The following ZFPM2 variants were observed in gnomAD, a reference collection of about 807,000 sequenced individuals.
The protein encoded by ZFPM2 is zinc finger protein, FOG family member 2.
In ZFPM2, 20 loss-of-function variants were observed where a neutral mutation model predicts 98.6. That is an observed-to-expected ratio of 0.20 (90% CI 0.14 to 0.29). ZFPM2 has a LOEUF of 0.29. Among genes scored for constraint, ZFPM2 ranks in the 10% least tolerant of loss-of-function variants. The pLI is 1.00. For synonymous variants in ZFPM2, 518 were observed against 502.7 expected (o/e 1.03, Z -0.41); for missense variants, 1,310 against 1,388.6 (o/e 0.94, Z 0.90).
At chr8:105,797,631 AAGCCTCCC>A (rs1222542704) in intron 6 of ZFPM2, among the ~76,000 whole-genome samples, 1 of 152,088 alleles carries the variant, frequency 6.6e-6, no homozygotes, top group Non-Finnish European at 1.5e-5. Flanking sequence ...CAGTACAGAA[AAGCCTCCC>A]AGCCTCCCAG....
rs149479285 is a variant in ZFPM2, at chr8:105,508,861, AT to A, written c.302-52492del. 2.0e-3 allele frequency among the ~76,000 whole-genome samples: 274 copies of A among 136,318 alleles called. 3 individuals are homozygous for A. Among genetic ancestry groups the A allele is most frequent in the African/African-American group, 7.0e-3 (252 of 36,204 alleles). The allele number at this position is 136,318 out of a possible 152,430, so 89.4% of individuals were successfully genotyped here. The stretch of plus-strand genomic sequence containing the variant: ...TTTGGATTTTTTTTGAAAAAAAAAA[AT>A]TTTTTTTTTAATGTGGAAGAAATCT... On this transcript the variant is annotated intron_variant, in intron 3 of 7. Coordinates refer to ENST00000407775, the MANE Select transcript of ZFPM2 (RefSeq NM_012082.4).
intron 1 of ZFPM2, among the ~76,000 whole-genome samples, chr8:105,386,139 G>C (rs1203708336): frequency 6.6e-6 from 1 of 152,144 alleles, no homozygotes; most frequent in African/African-American, 2.4e-5. Context: ...TAGAGAATTA[G>C]AAAAAGTCTT....
At chr8:105,343,191 C>T (rs1217586962) in intron 1 of ZFPM2, among the ~76,000 whole-genome samples, 1 of 152,022 alleles carries the variant, frequency 6.6e-6, no homozygotes, top group African/African-American at 2.4e-5. Flanking sequence ...GGAAAATGAA[C>T]TTTATTTGCT....
At chr8:105,455,368 G>C (rs1338838791) in intron 3 of ZFPM2, among the ~76,000 whole-genome samples, 1 of 152,102 alleles carries the variant, frequency 6.6e-6, no homozygotes, top group African/African-American at 2.4e-5. Flanking sequence ...CGAATAACCT[G>C]GGCAGAATAT....
chr8:105,404,417 T>A (rs1179366624), intron 1 of ZFPM2, among the ~76,000 whole-genome samples: 1 of 152,132 alleles, frequency 6.6e-6, no homozygotes, highest in African/African-American at 2.4e-5. Context: ...CCACATTCTA[T>A]TTGACGTCTT....
At chr8:105,396,798 A>G (rs1393425232) in intron 1 of ZFPM2, among the ~76,000 whole-genome samples, 2 of 152,212 alleles carry the variant, frequency 1.3e-5, no homozygotes, top group African/African-American at 4.8e-5. Flanking sequence ...TAAAGCCAAT[A>G]AGAACTAATT....
At chr8:105,645,625 C>T (rs1230346953) in intron 5 of ZFPM2, among the ~76,000 whole-genome samples, 1 of 152,090 alleles carries the variant, frequency 6.6e-6, no homozygotes, top group Non-Finnish European at 1.5e-5. Flanking sequence ...TGTATGGTGA[C>T]CATTCTAACA....
intron 5 of ZFPM2, among the ~76,000 whole-genome samples, chr8:105,771,080 T>C (rs116315531): frequency 6.6e-6 from 1 of 152,290 alleles, no homozygotes; most frequent in African/African-American, 2.4e-5. Context: ...GTAACAGTCA[T>C]AATTTTGTCC....
chr8:105,734,723 A>G (rs1431796998), intron 5 of ZFPM2, among the ~76,000 whole-genome samples: 1 of 151,924 alleles, frequency 6.6e-6, no homozygotes, highest in East Asian at 1.9e-4. Flanking sequence ...AAGCATGTTG[A>G]GCCTCCTATT....
intron 4 of ZFPM2, among the ~76,000 whole-genome samples, chr8:105,604,446 C>T (rs1206325611): frequency 3.3e-5 from 5 of 152,030 alleles, no homozygotes; most frequent in Non-Finnish European, 7.4e-5. Flanking sequence ...ATGTAAATTA[C>T]AGCATGGTAT....
In ZFPM2 at chr8:105,465,016, T is replaced by C. The variant is rs568802645; in HGVS notation, c.301+20635T>C. ...AGAAAAGATATTCACTCAGCCTGTATCGTAGTTGTCAGTGGGAAATTCTAT... is the reference window on the plus strand; with the variant it reads ...AGAAAAGATATTCACTCAGCCTGTACCGTAGTTGTCAGTGGGAAATTCTAT... On this transcript the variant is annotated intron_variant, in intron 3 of 7. Transcript: ENST00000407775. 2.0e-5 allele frequency among the ~76,000 whole-genome samples: 3 copies of C among 151,996 alleles called. 1 individual carries two copies. Among genetic ancestry groups the C allele is most frequent in the African/African-American group, 7.2e-5 (3 of 41,468 alleles).
chr8:105,523,584 G>A (rs2130556599), intron 3 of ZFPM2, among the ~76,000 whole-genome samples: 1 of 152,256 alleles, frequency 6.6e-6, no homozygotes, highest in Non-Finnish European at 1.5e-5. Flanking sequence ...GAGCTTTGAA[G>A]TAAATCCTCT....
Position 105,362,404 on chromosome 8 carries a change from T to C in ZFPM2, c.40+43423T>C, listed in dbSNP as rs146288051. Among the ~76,000 whole-genome samples, 585 of 152,154 alleles carry C rather than the reference T, an allele frequency of 3.8e-3. 10 individuals are homozygous for C. Among genetic ancestry groups the C allele is most frequent in the African/African-American group, 0.013 (540 of 41,456 alleles). ...TAATACTGATTGTATTGGATTTGTGTTATGTCTGACGCCTACTGAAAAGTT... is the reference window on the plus strand; with the variant it reads ...TAATACTGATTGTATTGGATTTGTGCTATGTCTGACGCCTACTGAAAAGTT... On this transcript the variant is annotated intron_variant, in intron 1 of 7. Coordinates refer to ENST00000407775, the MANE Select transcript of ZFPM2 (RefSeq NM_012082.4).
At chr8:105,471,613 G>C (rs188741735) in intron 3 of ZFPM2, among the ~76,000 whole-genome samples, 16 of 152,268 alleles carry the variant, frequency 1.1e-4, no homozygotes, top group African/African-American at 3.6e-4. Context: ...CAAAGATTCA[G>C]CTCAGAACAT....
intron 5 of ZFPM2, among the ~76,000 whole-genome samples, chr8:105,760,575 AT>A (rs1414412521): frequency 1.3e-5 from 2 of 152,004 alleles, no homozygotes; most frequent in African/African-American, 4.8e-5. Context: ...TATGAGGGAG[AT>A]TATAGTGTTT....
chr8:105,545,663 CATAG>C (rs1814679753), intron 3 of ZFPM2, among the ~76,000 whole-genome samples: 4 of 152,016 alleles, frequency 2.6e-5, no homozygotes, highest in African/African-American at 7.2e-5. Flanking sequence ...AGTGAGACCA[CATAG>C]ATAAAGAACT....
In ZFPM2 at chr8:105,801,265, A is replaced by C; in HGVS notation, c.1183A>C (p.Ser395Arg). The part of the protein sequence containing the change: ...HVPSGKLPRE[S>R]DMEHSPSATE... ...CCCTAGCGGCAAACTTCCCAGAGAA[A>C]GTGACATGGAACACTCTCCAAGTGC... The change falls in exon 8 of 8, where the codon AGT (serine) becomes CGT (arginine). Residue 395 changes from serine to arginine, a missense_variant. By Grantham distance (110) the Ser-to-Arg change is moderately radical. Transcript: ENST00000407775. 1 of 1,613,922 alleles carries C rather than the reference A, an allele frequency of 6.2e-7. No homozygotes were observed. The highest frequency in any genetic ancestry group is 2.2e-5 in the East Asian group (1 of 44,862).
chr8:105,753,029 G>C (rs961435115), intron 5 of ZFPM2, among the ~76,000 whole-genome samples: 1 of 152,008 alleles, frequency 6.6e-6, no homozygotes, highest in Non-Finnish European at 1.5e-5. Flanking sequence ...TGAGTGTGTT[G>C]GAACTATCTC....
At chr8:105,748,489 A>T (rs988585742) in intron 5 of ZFPM2, among the ~76,000 whole-genome samples, 2 of 152,192 alleles carry the variant, frequency 1.3e-5, no homozygotes, top group Middle Eastern at 3.4e-3. Context: ...CTGTGCCTAA[A>T]ATTAAGTGCC....
Sources: allele counts gnomAD v4.1 joint callset (sites outside exome capture counted in the v4.1 genomes callset), GRCh38; gene constraint gnomAD v4.1.1; transcripts MANE v1.5; gene names NCBI Gene and HGNC (gene_info 2026-07-23, HGNC 2026-07-21).